The following SLC5A1 variants were observed in gnomAD, a reference collection of about 807,000 sequenced individuals.
SLC5A1 encodes sodium/glucose cotransporter 1.
In SLC5A1, 42 loss-of-function variants were observed where a neutral mutation model predicts 73.5. That is an observed-to-expected ratio of 0.57 (90% CI 0.45 to 0.74). The LOEUF (loss-of-function observed/expected upper bound fraction) is 0.74. Among genes scored for constraint, SLC5A1 ranks in the 30% least tolerant of loss-of-function variants. The probability of loss-of-function intolerance (pLI) is 0.00; values close to 1 mark genes in which losing one functional copy is unlikely to be tolerated. For missense variants in SLC5A1, 634 were observed against 855.4 expected (o/e 0.74, Z 3.23); for synonymous variants, 300 against 317.4 (o/e 0.95, Z 0.58).
chr22:32,058,174 TCTC>T (rs760562209), intron 2 of SLC5A1, among the ~76,000 whole-genome samples: 13 of 152,148 alleles, frequency 8.5e-5, no homozygotes, highest in East Asian at 5.8e-4. Flanking sequence ...TAGGTTTGTA[TCTC>T]CTCATGTCAT....
At chr22:32,105,883 A>C (rs556583107) in intron 14 of SLC5A1, among the ~76,000 whole-genome samples, 3 of 152,326 alleles carry the variant, frequency 2.0e-5, no homozygotes, top group South Asian at 2.1e-4. Context: ...AATGATCTCC[A>C]GTTCCATCCA....
rs2093988439 is a variant in SLC5A1 at position 32,074,923 on chromosome 22, G to A, written c.477+6323G>A. ...TTATTTGTTTGTTTACTGAGATAGG[G>A]TATTGCTCTGTTGCCCAGGCTGGAG... On this transcript the variant is annotated intron_variant, in intron 5 of 14. Coordinates refer to ENST00000266088, the MANE Select transcript of SLC5A1 (RefSeq NM_000343.4). 1.3e-5 allele frequency among the ~76,000 whole-genome samples: 2 copies of A among 152,032 alleles called. 1 individual carries two copies. Among genetic ancestry groups the A allele is most frequent in the South Asian group, 4.2e-4 (2 of 4,816 alleles).
chr22:32,072,708 A>G (rs60686589), intron 5 of SLC5A1, among the ~76,000 whole-genome samples: 1,558 of 152,324 alleles, frequency 0.01, 29 homozygotes, highest in African/African-American at 0.035. Context: ...ATGTTTTCTT[A>G]CAGTTAGTTT....
chr22:32,076,156 T>C (rs2093990592), intron 5 of SLC5A1, among the ~76,000 whole-genome samples: 1 of 152,124 alleles, frequency 6.6e-6, no homozygotes, highest in East Asian at 1.9e-4. Flanking sequence ...TTGTAATTAA[T>C]GGGAGAGAGG....
At chr22:32,050,688 G>A (rs1443923805) in intron 2 of SLC5A1, among the ~76,000 whole-genome samples, 3 of 152,226 alleles carry the variant, frequency 2.0e-5, no homozygotes, top group Non-Finnish European at 4.4e-5. Context: ...ATGAGGCCCA[G>A]AGAGAAAAAC....
chr22:32,070,337 T>A (rs2093981071), intron 5 of SLC5A1, among the ~76,000 whole-genome samples: 2 of 145,420 alleles, frequency 1.4e-5, no homozygotes, highest in African/African-American at 5.1e-5. Flanking sequence ...TTTGTCTTCC[T>A]TTTTGTGAGA....
chr22:32,056,585 TA>T (rs1197087591), intron 2 of SLC5A1, among the ~76,000 whole-genome samples: 1 of 152,128 alleles, frequency 6.6e-6, no homozygotes, highest in Non-Finnish European at 1.5e-5. Context: ...CTGATTATGT[TA>T]AAGTTTAAGG....
Position 32,043,319 on chromosome 22 carries a change from T to C in SLC5A1, c.38T>C (p.Val13Ala), listed in dbSNP as rs1569296866. ...ACCTGGAGCCCCAAGACCACCGCGG[T>C]CACCCGGCCTGTTGAGACCCACGAG... ...SSTWSPKTTAVTRPVETHELI... is the reference protein window; with the variant it reads ...SSTWSPKTTAATRPVETHELI... The change falls in exon 1 of 15, where the codon GTC becomes GCC. Residue 13 changes from valine (V) to alanine (A), a missense_variant. By Grantham distance (64) the Val-to-Ala change is moderately conservative. Transcript: ENST00000266088. The surrounding 1 kb of genome is among the most constrained non-coding windows in gnomAD (Gnocchi z 6.5). 4 of 1,614,034 alleles carry C rather than the reference T, an allele frequency of 2.5e-6. No individual in the cohort carries two copies. The African/African-American group carries it at 4.0e-5, about 16-fold the overall frequency.
In SLC5A1 at chr22:32,091,649, C is replaced by T. The variant is rs1209145672; in HGVS notation, c.1167C>T (p.Ser389=). The change falls in exon 11 of 15, where the codon TCC becomes TCT. Residue 389 remains serine (S), a synonymous_variant. Coordinates refer to ENST00000266088, the MANE Select transcript of SLC5A1 (RefSeq NM_000343.4). ...RGLMLSVMLA[S]LMSSLTSIFN... is the part of the protein sequence containing the mutation. ...TGATGCTATCAGTCATGCTGGCCTCCCTCATGAGCTCCCTGACCTCCATCT... is the reference window on the plus strand; with the variant it reads ...TGATGCTATCAGTCATGCTGGCCTCTCTCATGAGCTCCCTGACCTCCATCT... 6.2e-7 allele frequency: 1 copy of T among 1,614,136 alleles called. No homozygotes were observed. Among genetic ancestry groups the T allele is most frequent in the South Asian group, 1.1e-5 (1 of 91,082 alleles).
At chr22:32,098,457 G>A (rs1230284284) in intron 11 of SLC5A1, among the ~76,000 whole-genome samples, 1 of 152,158 alleles carries the variant, frequency 6.6e-6, no homozygotes, top group Non-Finnish European at 1.5e-5. Flanking sequence ...AAGAACTTGA[G>A]ACTCAGAGAG....
At chr22:32,044,001 G>C (rs1439562012) in intron 1 of SLC5A1, among the ~76,000 whole-genome samples, 1 of 152,142 alleles carries the variant, frequency 6.6e-6, no homozygotes, top group Admixed American at 6.5e-5. Context: ...GGGTGGAAAA[G>C]GAGGAGGAGG....
chr22:32,060,726 T>G (rs1282666913), intron 2 of SLC5A1, among the ~76,000 whole-genome samples: 3 of 152,084 alleles, frequency 2.0e-5, no homozygotes, highest in Non-Finnish European at 4.4e-5. Flanking sequence ...CATGCCACCA[T>G]GCTTGGCTAG....
intron 2 of SLC5A1, among the ~76,000 whole-genome samples, chr22:32,050,817 C>T (rs1447935388): frequency 6.6e-6 from 1 of 152,186 alleles, no homozygotes; most frequent in Non-Finnish European, 1.5e-5. Context: ...GGGAGGTCCC[C>T]GGAAGCCTGA....
At position 32,103,939 on chromosome 22, in the gene SLC5A1, A is replaced by C. The variant is rs564544581; in HGVS notation, c.1666-847A>C. Among the ~76,000 whole-genome samples the C allele has an allele frequency of 2.0e-5, 3 of 152,304 alleles. No individual in the cohort carries two copies. The East Asian group carries it at 5.8e-4, about 29-fold the overall frequency. On this transcript the variant is annotated intron_variant, in intron 13 of 14. Transcript: ENST00000266088. ...ATTTTTATTAGTAGTCTGGTAACCC[A>C]ACACAGATTTCCAGGTTTCCAAGGG...
At chr22:32,045,459 C>T (rs1204223791) in intron 1 of SLC5A1, among the ~76,000 whole-genome samples, 3 of 152,140 alleles carry the variant, frequency 2.0e-5, no homozygotes, top group African/African-American at 7.2e-5. Flanking sequence ...CCAGTTTATC[C>T]TCCTCTGTCT....
chr22:32,096,612 C>CTAA (rs911404754), intron 11 of SLC5A1, among the ~76,000 whole-genome samples: 12 of 152,274 alleles, frequency 7.9e-5, no homozygotes, highest in African/African-American at 2.9e-4. Flanking sequence ...GTCAAATGGG[C>CTAA]TAATAAATGC....
At chr22:32,061,240 A>T (rs1441356264) in intron 2 of SLC5A1, among the ~76,000 whole-genome samples, 1 of 152,100 alleles carries the variant, frequency 6.6e-6, no homozygotes, top group African/African-American at 2.4e-5. Context: ...CCTAGCCAAT[A>T]TGGTCAAACC....
At chr22:32,073,518 T>C (rs2093985964) in intron 5 of SLC5A1, among the ~76,000 whole-genome samples, 2 of 152,142 alleles carry the variant, frequency 1.3e-5, no homozygotes, top group African/African-American at 4.8e-5. Context: ...CCTCCTTTAC[T>C]TTCTCCTCCT....
At chr22:32,099,906 TAAAAC>T (rs1408567133) in intron 12 of SLC5A1, among the ~76,000 whole-genome samples, 4 of 152,248 alleles carry the variant, frequency 2.6e-5, no homozygotes, top group East Asian at 3.9e-4. Context: ...AGTTTATACA[TAAAAC>T]AAAGTGCGTA....
Sources: allele counts gnomAD v4.1 joint callset (sites outside exome capture counted in the v4.1 genomes callset), GRCh38; gene constraint gnomAD v4.1.1; non-coding constraint Gnocchi (gnomAD v3.1); transcripts MANE v1.5; gene names NCBI Gene and HGNC (gene_info 2026-07-23, HGNC 2026-07-21).